TTC34: variants seen among roughly 807,000 people sequenced by gnomAD.
TTC34 encodes the protein tetratricopeptide repeat domain 34, also known as tetratricopeptide repeat protein 34.
TTC34 carries 44 observed loss-of-function variants against 40.7 expected under a neutral mutation model. The observed-to-expected ratio is 1.08, with a 90% CI of 0.85 to 1.39. The LOEUF (loss-of-function observed/expected upper bound fraction) is 1.39, where lower values mean the gene tolerates loss of function less well. Ranked by LOEUF, TTC34 falls within the 40% of genes most tolerant of loss-of-function variation. The probability of loss-of-function intolerance (pLI) is 0.00; values close to 1 mark genes in which losing one functional copy is unlikely to be tolerated. For missense variants in TTC34, 884 were observed against 838.0 expected (o/e 1.05, Z -0.68); for synonymous variants, 422 against 398.6 (o/e 1.06, Z -0.70).
At chr1:2,754,933 C>T (rs1324284002) in intron 6 of TTC34, among the ~76,000 whole-genome samples, 3 of 72,186 alleles carry the variant, frequency 4.2e-5, no homozygotes, top group East Asian at 4.5e-4. Context: ...TGGAACAGCA[C>T]GCACACACCC....
At chr1:2,691,583 G>A (rs1420710410) in intron 6 of TTC34, among the ~76,000 whole-genome samples, 15 of 76,356 alleles carry the variant, frequency 2.0e-4, no homozygotes, top group Admixed American at 4.2e-4. Context: ...GCACCCACAT[G>A]CCCAGGTGAG....
intron 6 of TTC34, among the ~76,000 whole-genome samples, chr1:2,748,867 A>G: frequency 7.3e-6 from 1 of 137,688 alleles, no homozygotes. Flanking sequence ...GATGCTTTGG[A>G]GCAGCACCCA....
intron 6 of TTC34, among the ~76,000 whole-genome samples, chr1:2,699,224 T>A (rs1641013836): frequency 6.7e-6 from 1 of 148,898 alleles, no homozygotes; most frequent in South Asian, 2.1e-4. Flanking sequence ...CAGGTGAGCA[T>A]CTGACCGCCC....
chr1:2,657,415 CAGTA>C (rs1304559288), intron 6 of TTC34, among the ~76,000 whole-genome samples: 2 of 90,824 alleles, frequency 2.2e-5, no homozygotes, highest in Non-Finnish European at 5.6e-5. Context: ...GGAGCAGTAC[CAGTA>C]CCCCCAGGCG....
exon 3 of TTC34, chr1:2,789,792 G>A (rs1643641156): frequency 4.0e-6 from 2 of 502,490 alleles, no homozygotes; most frequent in Non-Finnish European, 3.4e-6. Context: ...CCCGGGTGCG[G>A]CGCCCCCTGC....
intron 2 of TTC34, among the ~76,000 whole-genome samples, chr1:2,793,093 C>T (rs989498960): frequency 1.3e-5 from 2 of 152,234 alleles, no homozygotes; most frequent in Non-Finnish European, 2.9e-5. Flanking sequence ...GTTAGATAGA[C>T]AATTTTTGAC....
rs917164975 is a variant in TTC34, at chr1:2,641,763, C to A, written c.2845G>T (p.Glu949Ter). Residue 949 changes from glutamate to a stop codon, truncating the protein, a stop_gained, in exon 9 of 9, where the codon GAG becomes TAG. Coordinates refer to ENST00000401095, the Ensembl canonical transcript of TTC34. LOFTEE classifies it low-confidence loss of function (END_TRUNC). ...AGGGCCCGGCCAAACTCCTGCAACT[C>A]GGCCAGGCAGGTGGCCCGCAGACGC... The A allele has an allele frequency of 1.3e-6, 2 of 1,535,176 alleles. No homozygotes were observed. The highest frequency in any genetic ancestry group is 2.7e-5 in the African/African-American group (2 of 73,036).
intron 6 of TTC34, among the ~76,000 whole-genome samples, chr1:2,652,346 T>C (rs796361187): frequency 1.9e-5 from 1 of 53,466 alleles, no homozygotes; most frequent in African/African-American, 7.1e-5. Flanking sequence ...GCATCTGATA[T>C]CCTGGAACAG....
chr1:2,779,937 A>T (rs1291196600), intron 6 of TTC34, among the ~76,000 whole-genome samples: 1 of 152,104 alleles, frequency 6.6e-6, no homozygotes, highest in African/African-American at 2.4e-5. Context: ...GACACAGTGA[A>T]ACCTCGTCTC....
intron 6 of TTC34, among the ~76,000 whole-genome samples, chr1:2,750,719 A>T (rs1641291199): frequency 1.4e-5 from 2 of 142,142 alleles, no homozygotes; most frequent in African/African-American, 5.5e-5. Context: ...CTGGAGCAGC[A>T]CCCACACCCC....
chr1:2,764,051 C>T (rs1405371562), intron 6 of TTC34, among the ~76,000 whole-genome samples: 19 of 120,994 alleles, frequency 1.6e-4, no homozygotes, highest in African/African-American at 6.2e-4. Flanking sequence ...CATGGAATGG[C>T]ATCCTCACCT....
chr1:2,682,706 CACACCCAGGTGAGCAACTGACAGCCT>C (rs1640133377), intron 6 of TTC34, among the ~76,000 whole-genome samples: 1 of 106,212 alleles, frequency 9.4e-6, no homozygotes. Flanking sequence ...GCAGCACCCA[CACACCCAGGTGAGCAACTGACAGCCT>C]GGAGCAGCAC....
intron 2 of TTC34, 68 bp downstream of exon 2, chr1:2,799,976 C>T (rs1449926289): frequency 7.5e-6 from 3 of 398,254 alleles, no homozygotes; most frequent in African/African-American, 6.2e-5. Flanking sequence ...CAGGACATAA[C>T]CATGTGGGGA....
At chr1:2,694,749 A>C (rs770617004) in intron 6 of TTC34, among the ~76,000 whole-genome samples, 91 of 17,710 alleles carry the variant, frequency 5.1e-3, no homozygotes, top group Non-Finnish European at 6.5e-3. Flanking sequence ...CAGCACCCCA[A>C]ACCCACAGGT....
At chr1:2,641,195 G>A in exon 9 of TTC34, 1 of 586,200 alleles carries the variant, frequency 1.7e-6, no homozygotes, top group Non-Finnish European at 2.7e-6. Flanking sequence ...TTGGGAAGGG[G>A]GGTTGTGGGG....
At chr1:2,765,787 C>T (rs1267201444) in intron 6 of TTC34, among the ~76,000 whole-genome samples, 2 of 25,666 alleles carry the variant, frequency 7.8e-5, no homozygotes, top group Admixed American at 4.1e-4. Flanking sequence ...CCTGGAGCAG[C>T]GCCCACACCC....
intron 6 of TTC34, among the ~76,000 whole-genome samples, chr1:2,756,828 CCG>C (rs1641523080): frequency 0.079 from 3,302 of 41,704 alleles, 1 homozygote; most frequent in South Asian, 0.1. Context: ...AACCCACACC[CCG>C]AGGCGAGCAT....
intron 6 of TTC34, among the ~76,000 whole-genome samples, chr1:2,690,436 G>GTCAGCCTGGAACAGCACCCACA (rs1640565359): frequency 6.7e-6 from 1 of 148,344 alleles, no homozygotes; most frequent in Non-Finnish European, 1.5e-5. Flanking sequence ...GCGAGCATCT[G>GTCAGCCTGGAACAGCACCCACA]ACAGCCTGGA....
intron 6 of TTC34, among the ~76,000 whole-genome samples, chr1:2,674,724 C>A (rs1247476664): frequency 9.3e-5 from 3 of 32,210 alleles, no homozygotes; most frequent in South Asian, 8.2e-4. Context: ...CCTGCACCCC[C>A]AGGTGAGCAT....
Sources: gnomAD v4.1 joint callset for allele counts (sites outside exome capture counted in the v4.1 genomes callset) on GRCh38, gnomAD v4.1.1 for gene constraint, MANE v1.5 for transcripts, NCBI Gene and HGNC (gene_info 2026-07-23, HGNC 2026-07-21) for gene names.